The following GRID2 variants were observed in gnomAD, a reference collection of about 807,000 sequenced individuals.
GRID2 encodes glutamate ionotropic receptor delta type subunit 2, also known as glutamate receptor ionotropic, delta-2.
Under a neutral mutation model 114.8 loss-of-function variants are expected in GRID2, and 33 were observed. That is an observed-to-expected ratio of 0.29 (90% CI 0.22 to 0.38). The LOEUF (loss-of-function observed/expected upper bound fraction) is 0.38. Among genes scored for constraint, GRID2 ranks in the 10% least tolerant of loss-of-function variants. The pLI is 1.00. For synonymous variants in GRID2, 505 were observed against 449.9 expected, an observed-to-expected ratio of 1.12 and a Z score of -1.55; for missense variants, 1,184 against 1,257.7, an observed-to-expected ratio of 0.94 and a Z score of 0.89.
chr4:92,553,556 G>A (rs1235492982), intron 1 of GRID2, among the ~76,000 whole-genome samples: 1 of 151,900 alleles, frequency 6.6e-6, no homozygotes, highest in Non-Finnish European at 1.5e-5. Context: ...ATATTTTGAT[G>A]CATCTCACTT....
At position 93,055,471 on chromosome 4, in the gene GRID2, T is replaced by G. The variant is rs190019266; in HGVS notation, c.245-29524T>G. 1.4e-3 allele frequency among the ~76,000 whole-genome samples: 218 copies of G among 152,068 alleles called. 1 individual carries two copies. Among genetic ancestry groups the G allele is most frequent in the African/African-American group, 5.2e-3 (215 of 41,498 alleles). ...CCAGCATGGCACATGTATACATATG[T>G]AACTAACCTGCACATTGTGCACATG... On this transcript the variant is annotated intron_variant, in intron 2 of 15. Coordinates refer to ENST00000282020, the MANE Select transcript of GRID2 (RefSeq NM_001510.4).
At chr4:92,898,199 A>G (rs935068617) in intron 2 of GRID2, among the ~76,000 whole-genome samples, 1 of 152,140 alleles carries the variant, frequency 6.6e-6, no homozygotes, top group Non-Finnish European at 1.5e-5. Flanking sequence ...GAACATCCCT[A>G]AAAGAAAAGA....
chr4:93,206,281 A>G (rs565173987), intron 4 of GRID2, among the ~76,000 whole-genome samples: 5 of 152,138 alleles, frequency 3.3e-5, no homozygotes, highest in Admixed American at 6.6e-5. Context: ...ATTGAGTCAC[A>G]TACCAAATAT....
chr4:93,224,877 A>C, intron 7 of GRID2, 102 bp downstream of exon 7: 1 of 802,834 alleles, frequency 1.2e-6, no homozygotes, highest in Non-Finnish European at 2.0e-6. Flanking sequence ...TTCTAAGCAC[A>C]AAACAGTGTA....
In GRID2 at chr4:93,184,520, A is replaced by AG. The variant is rs1487791859; in HGVS notation, c.736-22884_736-22883insG. On this transcript the variant is annotated intron_variant, in intron 4 of 15. Transcript: ENST00000282020. ...CATATTATTTCTCAAAAAAAAAAAA[A>AG]AAAAAAAAAACTCACAGGTACTCTT... Among the ~76,000 whole-genome samples, 7 of 151,878 alleles carry AG rather than the reference A, an allele frequency of 4.6e-5. No homozygotes were observed. The South Asian group carries it at 8.3e-4, about 18-fold the overall frequency.
chr4:93,506,211 G>A (rs1262132043), intron 12 of GRID2, among the ~76,000 whole-genome samples: 1 of 152,130 alleles, frequency 6.6e-6, no homozygotes, highest in Non-Finnish European at 1.5e-5. Flanking sequence ...CCATCTGACT[G>A]TACCACATGG....
At chr4:93,231,020 A>C (rs1440395663) in intron 7 of GRID2, among the ~76,000 whole-genome samples, 1 of 152,102 alleles carries the variant, frequency 6.6e-6, no homozygotes, top group Non-Finnish European at 1.5e-5. Flanking sequence ...AATAAATTTG[A>C]GCTGTTCTGG....
Position 93,173,685 on chromosome 4 carries a change from A to C in GRID2, c.736-33719A>C, listed in dbSNP as rs566340729. Among the ~76,000 whole-genome samples the C allele has an allele frequency of 2.7e-3, 406 of 152,194 alleles. 1 individual carries two copies. The highest frequency in any genetic ancestry group is 9.0e-3 in the African/African-American group (374 of 41,524). On this transcript the variant is annotated intron_variant, in intron 4 of 15. Transcript: ENST00000282020. ...CATTCTGTTGCCCAGGCTGGAGTGC[A>C]GTGGTGTGATCATGGCTCACTGCAA...
chr4:93,200,597 AC>A (rs1560978199), intron 4 of GRID2, among the ~76,000 whole-genome samples: 4 of 152,110 alleles, frequency 2.6e-5, no homozygotes, highest in East Asian at 1.9e-4. Flanking sequence ...AAACAAAAAA[AC>A]ATTACATATA....
chr4:92,441,170 G>C (rs78245894), intron 1 of GRID2, among the ~76,000 whole-genome samples: 11 of 151,642 alleles, frequency 7.3e-5, no homozygotes, highest in African/African-American at 2.2e-4. Context: ...GCCTAGGAAG[G>C]AAAGGAGTTG....
intron 15 of GRID2, 73 bp downstream of exon 15, chr4:93,769,523 G>A: frequency 7.1e-7 from 1 of 1,414,136 alleles, no homozygotes; most frequent in East Asian, 2.3e-5. Flanking sequence ...ACCATCCCAG[G>A]GAGGATAATG....
chr4:93,422,419 A>G (rs1768379006), intron 9 of GRID2, among the ~76,000 whole-genome samples: 1 of 152,176 alleles, frequency 6.6e-6, no homozygotes, highest in Non-Finnish European at 1.5e-5. Context: ...CAAACAATAA[A>G]TTCCTGAGAA....
At chr4:93,624,536 G>C (rs1742518931) in intron 13 of GRID2, among the ~76,000 whole-genome samples, 1 of 151,998 alleles carries the variant, frequency 6.6e-6, no homozygotes. Context: ...GTAGACAACT[G>C]TTTATAATTT....
chr4:92,954,425 T>G (rs2149139603), intron 2 of GRID2, among the ~76,000 whole-genome samples: 1 of 151,632 alleles, frequency 6.6e-6, no homozygotes, highest in Admixed American at 6.6e-5. Context: ...TTTATTTTAT[T>G]TTATTTTATT....
chr4:92,376,409 T>C (rs1384529425), intron 1 of GRID2, among the ~76,000 whole-genome samples: 2 of 152,192 alleles, frequency 1.3e-5, no homozygotes, highest in Non-Finnish European at 2.9e-5. Flanking sequence ...TAGGCAGCTC[T>C]GTCCCATGGC....
At chr4:93,065,573 A>G (rs1463973471) in intron 2 of GRID2, among the ~76,000 whole-genome samples, 1 of 151,940 alleles carries the variant, frequency 6.6e-6, no homozygotes, top group Non-Finnish European at 1.5e-5. Flanking sequence ...AAAAGAAGAT[A>G]TGCAAGAGAT....
At chr4:93,255,089 T>C (rs1222234157) in intron 8 of GRID2, among the ~76,000 whole-genome samples, 1 of 152,186 alleles carries the variant, frequency 6.6e-6, no homozygotes, top group Non-Finnish European at 1.5e-5. Context: ...TTATAGCTTA[T>C]AGCTCTCGTG....
At chr4:92,704,846 T>A (rs1196986200) in intron 2 of GRID2, among the ~76,000 whole-genome samples, 3 of 142,456 alleles carry the variant, frequency 2.1e-5, no homozygotes, top group East Asian at 2.4e-4. Flanking sequence ...CCTCTTCAAC[T>A]GCATTGGTAA....
chr4:93,423,015 T>G lies in GRID2; in HGVS notation c.1545+47T>G, dbSNP rs200336828. Reference sequence around the variant, plus strand: ...TGTCTCATACTTAAAGGTTCAATTATTTGTCTCATACCTAAAGGTTCAACA... The same window carrying G: ...TGTCTCATACTTAAAGGTTCAATTAGTTGTCTCATACCTAAAGGTTCAACA... On this transcript the variant is annotated intron_variant, in intron 10 of 15. Coordinates refer to ENST00000282020, the MANE Select transcript of GRID2 (RefSeq NM_001510.4). 1.3e-4 allele frequency: 166 copies of G among 1,286,442 alleles called. 1 individual carries two copies. Among genetic ancestry groups the G allele is most frequent in the Non-Finnish European group, 1.0e-5 (9 of 886,626 alleles). The allele number at this position is 1,286,442 out of a possible 1,614,324, so 79.7% of individuals were successfully genotyped here.
Sources: gnomAD v4.1 joint callset for allele counts (sites outside exome capture counted in the v4.1 genomes callset) on GRCh38, gnomAD v4.1.1 for gene constraint, MANE v1.5 for transcripts, NCBI Gene and HGNC (gene_info 2026-07-23, HGNC 2026-07-21) for gene names.